The following DSCAML1 variants were observed in gnomAD, a reference collection of about 807,000 sequenced individuals.
The protein encoded by DSCAML1 is DS cell adhesion molecule like 1.
DSCAML1 carries 38 observed loss-of-function variants against 200.5 expected under a neutral mutation model. The ratio of observed to expected loss-of-function variants is 0.19; its 90% CI spans 0.15 to 0.25. The LOEUF (loss-of-function observed/expected upper bound fraction) is 0.25, where lower values mean the gene tolerates loss of function less well. DSCAML1 is among the 10% of genes least tolerant of loss of function. The pLI, the probability that DSCAML1 is intolerant of heterozygous loss-of-function variation, is 1.00. For synonymous variants in DSCAML1, 1,215 were observed against 1,165.0 expected (o/e 1.04, Z -0.87); for missense variants, 2,223 against 2,858.8 (o/e 0.78, Z 5.07).
intron 11 of DSCAML1, among the ~76,000 whole-genome samples, chr11:117,494,425 T>C (rs2049251958): frequency 6.6e-6 from 1 of 152,234 alleles, no homozygotes; most frequent in Non-Finnish European, 1.5e-5. Flanking sequence ...CACAGGAGTG[T>C]TGGGCTTTTA....
intron 3 of DSCAML1, among the ~76,000 whole-genome samples, chr11:117,615,391 A>G (rs1211023321): frequency 6.6e-6 from 1 of 152,136 alleles, no homozygotes; most frequent in Non-Finnish European, 1.5e-5. Flanking sequence ...TTGGCTGCAA[A>G]TCCTACTTGT....
At chr11:117,584,852 G>A (rs1180858394) in intron 3 of DSCAML1, among the ~76,000 whole-genome samples, 1 of 152,178 alleles carries the variant, frequency 6.6e-6, no homozygotes, top group Non-Finnish European at 1.5e-5. Flanking sequence ...CTGTAAAATG[G>A]CTTAACAGGA....
intron 3 of DSCAML1, among the ~76,000 whole-genome samples, chr11:117,739,977 T>A (rs1265778082): frequency 6.6e-6 from 1 of 152,198 alleles, no homozygotes; most frequent in Non-Finnish European, 1.5e-5. Context: ...ATGACCAACA[T>A]TTTTTAGCAT....
intron 16 of DSCAML1, among the ~76,000 whole-genome samples, chr11:117,467,506 A>T (rs2048607496): frequency 1.3e-5 from 2 of 152,196 alleles, no homozygotes; most frequent in South Asian, 4.1e-4. Context: ...AAACAGCACT[A>T]CTGTTTTTTT....
intron 3 of DSCAML1, among the ~76,000 whole-genome samples, chr11:117,667,707 A>T (rs1245272796): frequency 6.6e-6 from 1 of 152,222 alleles, no homozygotes; most frequent in Non-Finnish European, 1.5e-5. Context: ...CTGAAACAGA[A>T]TCCAACCTTC....
Position 117,482,313 on chromosome 11 carries a change from T to C in DSCAML1, c.2360-151A>G. Reference sequence around the variant, plus strand: ...ACAGGGAACCCCACTGGCCTGTCCCTTCTCCCACATCCATCCATGACTGGG... The same window carrying C: ...ACAGGGAACCCCACTGGCCTGTCCCCTCTCCCACATCCATCCATGACTGGG... On this transcript the variant is annotated intron_variant, in intron 11 of 32. Coordinates refer to ENST00000651296, the MANE Select transcript of DSCAML1 (RefSeq NM_020693.4). 3.5e-6 allele frequency: 3 copies of C among 866,070 alleles called. No individual in the cohort carries two copies. The East Asian group carries it at 8.0e-5, about 23-fold the overall frequency. The allele number at this position is 866,070 out of a possible 1,614,324, so 53.6% of individuals were successfully genotyped here. A position where few individuals can be genotyped will look rare whatever the true frequency, so the allele number is the denominator to read the frequency against.
At chr11:117,522,606 C>T (rs967950677) in intron 5 of DSCAML1, among the ~76,000 whole-genome samples, 1 of 152,188 alleles carries the variant, frequency 6.6e-6, no homozygotes, top group Non-Finnish European at 1.5e-5. Flanking sequence ...GCATAAATGA[C>T]CGCATGCTTG....
intron 17 of DSCAML1, 21 bp from the exon 18 acceptor site, chr11:117,461,617 A>G: frequency 1.2e-6 from 2 of 1,605,984 alleles, no homozygotes; most frequent in Non-Finnish European, 8.5e-7. Context: ...TAGGGGGAGA[A>G]CCAAGGGTCC....
At chr11:117,607,593 C>T (rs762727128) in intron 3 of DSCAML1, among the ~76,000 whole-genome samples, 3 of 152,192 alleles carry the variant, frequency 2.0e-5, no homozygotes, top group South Asian at 2.1e-4. Flanking sequence ...AGTAGCCAGT[C>T]GCAGGCGGAT....
At chr11:117,746,221 CAAAAA>C (rs34362262) in intron 3 of DSCAML1, among the ~76,000 whole-genome samples, 2 of 66,804 alleles carry the variant, frequency 3.0e-5, no homozygotes, top group African/African-American at 7.0e-5. Flanking sequence ...GACTCTGTCT[CAAAAA>C]AAAAAAAAAA....
chr11:117,780,399 G>T lies in DSCAML1; in HGVS notation c.364+94C>A. ...AAGAGAACAACAAAACTGTTCTTGA[G>T]TGAACGACTTCTTGCAAGCCCCTCC... On this transcript the variant is annotated intron_variant, in intron 2 of 32. Coordinates refer to ENST00000651296, the MANE Select transcript of DSCAML1 (RefSeq NM_020693.4). The surrounding 1 kb of genome is among the most constrained non-coding windows in gnomAD (Gnocchi z 4.8). 8.5e-7 allele frequency: 1 copy of T among 1,176,898 alleles called. No homozygotes were observed. Among genetic ancestry groups the T allele is most frequent in the Non-Finnish European group, 1.1e-6 (1 of 886,828 alleles). The allele number at this position is 1,176,898 out of a possible 1,614,324, so 72.9% of individuals were successfully genotyped here.
At chr11:117,812,216 T>G (rs2055767230) in intron 1 of DSCAML1, among the ~76,000 whole-genome samples, 1 of 151,976 alleles carries the variant, frequency 6.6e-6, no homozygotes, top group Admixed American at 6.6e-5. Flanking sequence ...CCCCTTACCA[T>G]CTCATTAAAA....
chr11:117,699,176 G>A (rs2053629635), intron 3 of DSCAML1, among the ~76,000 whole-genome samples: 1 of 152,174 alleles, frequency 6.6e-6, no homozygotes. Context: ...GAAGGGACCA[G>A]ACAGCAAGCA....
chr11:117,807,594 C>T (rs2055717583), intron 1 of DSCAML1, among the ~76,000 whole-genome samples: 1 of 152,296 alleles, frequency 6.6e-6, no homozygotes, highest in East Asian at 1.9e-4. Context: ...CTGTGAATGT[C>T]TAAGGAGATG....
At chr11:117,666,361 G>A (rs1394692112) in intron 3 of DSCAML1, among the ~76,000 whole-genome samples, 1 of 152,230 alleles carries the variant, frequency 6.6e-6, no homozygotes, top group Non-Finnish European at 1.5e-5. Flanking sequence ...TAGAAGTTGT[G>A]TAATCAATGT....
At chr11:117,561,189 G>A (rs1463816311) in intron 3 of DSCAML1, among the ~76,000 whole-genome samples, 1 of 152,212 alleles carries the variant, frequency 6.6e-6, no homozygotes, top group African/African-American at 2.4e-5. Flanking sequence ...GCAGTGGGAG[G>A]AGGACCTGTG....
At chr11:117,439,759 C>T (rs918003571) in intron 22 of DSCAML1, 60 bp downstream of exon 22, 10 of 1,504,486 alleles carry the variant, frequency 6.6e-6, no homozygotes, top group Admixed American at 5.0e-5. Context: ...TTCTCCACAC[C>T]GCTCTTCTAC....
In DSCAML1 at chr11:117,521,172, T is replaced by C; in HGVS notation, c.1171A>G (p.Lys391Glu). The stretch of plus-strand genomic sequence containing the variant: ...GCAAAGTCCTGGGCGGTCTGGGCCT[T>C]GCGGGTAGCGAAGCACTGGTAGGCC... Reference protein sequence around the residue: ...SGAYQCFATRKAQTAQDFAII... With the variant: ...SGAYQCFATREAQTAQDFAII... The change falls in exon 6 of 33, where the codon AAG (lysine) becomes GAG (glutamate). Residue 391 changes from lysine (K) to glutamate (E), a missense_variant. Lys to Glu is a moderately conservative substitution (Grantham distance 56, BLOSUM62 1). Transcript: ENST00000651296. 6.2e-7 allele frequency: 1 copy of C among 1,614,100 alleles called. No individual in the cohort carries two copies. The highest frequency in any genetic ancestry group is 8.5e-7 in the Non-Finnish European group (1 of 1,180,024).
intron 3 of DSCAML1, 30 bp downstream of exon 3, chr11:117,776,761 T>G: frequency 6.2e-7 from 1 of 1,613,622 alleles, no homozygotes; most frequent in Non-Finnish European, 8.5e-7. Context: ...GGAGCACCTC[T>G]GTCTGCCGCA....
Sources: gnomAD v4.1 joint callset for allele counts (sites outside exome capture counted in the v4.1 genomes callset) on GRCh38, gnomAD v4.1.1 for gene constraint, Gnocchi (gnomAD v3.1) non-coding constraint, MANE v1.5 for transcripts, NCBI Gene and HGNC (gene_info 2026-07-23, HGNC 2026-07-21) for gene names.